CACNA1D: variants seen among roughly 807,000 people sequenced by gnomAD.
CACNA1D encodes the protein calcium voltage-gated channel subunit alpha1 D, also known as voltage-dependent L-type calcium channel subunit alpha-1D.
CACNA1D carries 55 observed loss-of-function variants against 257.1 expected under a neutral mutation model. The observed-to-expected ratio is 0.21, with a 90% CI of 0.17 to 0.27. The LOEUF (loss-of-function observed/expected upper bound fraction) is 0.27, where lower values mean the gene tolerates loss of function less well. Ranked by LOEUF, CACNA1D falls within the 10% of genes least tolerant of loss-of-function variation. The pLI is 1.00. For synonymous variants in CACNA1D, 980 were observed against 1,014.9 expected, an observed-to-expected ratio of 0.97 and a Z score of 0.65; for missense variants, 1,876 against 2,784.0, an observed-to-expected ratio of 0.67 and a Z score of 7.34.
chr3:53,735,560 GC>G, intron 20 of CACNA1D, 57 bp downstream of exon 20: 1 of 1,599,280 alleles, frequency 6.3e-7, no homozygotes, highest in Non-Finnish European at 8.5e-7. Context: ...TCGGGCAGAG[GC>G]CACTGTAGAG....
At chr3:53,760,224 G>T (rs994413266) in intron 29 of CACNA1D, among the ~76,000 whole-genome samples, 2 of 152,136 alleles carry the variant, frequency 1.3e-5, no homozygotes, top group African/African-American at 2.4e-5. Context: ...CCCCATAAAT[G>T]CACCTAGACT....
At chr3:53,589,827 T>A (rs2093276510) in intron 3 of CACNA1D, among the ~76,000 whole-genome samples, 1 of 152,192 alleles carries the variant, frequency 6.6e-6, no homozygotes, top group African/African-American at 2.4e-5. Context: ...GCCTCTCATT[T>A]CAAGGGCCCT....
intron 3 of CACNA1D, among the ~76,000 whole-genome samples, chr3:53,635,877 A>C (rs11709171): frequency 0.14 from 21,267 of 152,184 alleles, 1,798 homozygotes; most frequent in Middle Eastern, 0.26. Flanking sequence ...TCCTTAGGAC[A>C]GGCAGGAAAC....
chr3:53,747,546 C>T (rs1051701006), intron 26 of CACNA1D, 98 bp downstream of exon 26: 60 of 1,269,868 alleles, frequency 4.7e-5, no homozygotes, highest in Non-Finnish European at 6.0e-5. Flanking sequence ...TCTCCAGTGT[C>T]GCAGGATTGC....
chr3:53,741,233 G>A (rs956166088), intron 21 of CACNA1D, among the ~76,000 whole-genome samples: 14 of 152,204 alleles, frequency 9.2e-5, no homozygotes, highest in African/African-American at 2.9e-4. Flanking sequence ...CTGGGAGAAC[G>A]TGGCCCATCA....
chr3:53,802,240 G>A, intron 43 of CACNA1D, 67 bp downstream of exon 43: 1 of 1,237,412 alleles, frequency 8.1e-7, no homozygotes, highest in Non-Finnish European at 1.2e-6. Context: ...GCCTCTCTGA[G>A]TGCTGAAGAA....
At chr3:53,755,753 G>A (rs901533566) in intron 29 of CACNA1D, among the ~76,000 whole-genome samples, 3 of 151,984 alleles carry the variant, frequency 2.0e-5, no homozygotes, top group Non-Finnish European at 4.4e-5. Context: ...GGGATGAGTG[G>A]GAGAGTATCG....
intron 3 of CACNA1D, among the ~76,000 whole-genome samples, chr3:53,545,025 A>G (rs1241938232): frequency 1.3e-5 from 2 of 152,228 alleles, no homozygotes; most frequent in East Asian, 3.8e-4. Context: ...GGGAGGAAAG[A>G]TGGATATTAA....
intron 3 of CACNA1D, among the ~76,000 whole-genome samples, chr3:53,621,518 CAT>C (rs1358136971): frequency 6.6e-6 from 1 of 152,188 alleles, no homozygotes; most frequent in Admixed American, 6.5e-5. Flanking sequence ...ATAAGTGTAA[CAT>C]AGGCTTAAAC....
intron 3 of CACNA1D, among the ~76,000 whole-genome samples, chr3:53,622,851 T>G (rs976851214): frequency 6.6e-6 from 1 of 151,852 alleles, no homozygotes; most frequent in African/African-American, 2.4e-5. Context: ...AGGCATGAAC[T>G]GTGATAGAGG....
intron 3 of CACNA1D, among the ~76,000 whole-genome samples, chr3:53,502,252 A>G (rs938129177): frequency 3.3e-5 from 5 of 152,156 alleles, no homozygotes; most frequent in Non-Finnish European, 5.9e-5. Context: ...ATATAATATT[A>G]AAGTTTCTAC....
intron 15 of CACNA1D, among the ~76,000 whole-genome samples, chr3:53,727,305 G>A (rs1222053038): frequency 6.6e-6 from 1 of 152,216 alleles, no homozygotes; most frequent in Non-Finnish European, 1.5e-5. Context: ...CTCCTGTACA[G>A]GTCCCGAGGG....
intron 44 of CACNA1D, among the ~76,000 whole-genome samples, chr3:53,804,023 G>A (rs75551622): frequency 9.2e-5 from 14 of 152,140 alleles, no homozygotes; most frequent in East Asian, 3.9e-4. Flanking sequence ...GGGGTCTCTC[G>A]GGGAGATGAA....
intron 3 of CACNA1D, among the ~76,000 whole-genome samples, chr3:53,523,335 G>GA (rs147744272): frequency 0.016 from 2,402 of 152,254 alleles, 61 homozygotes; most frequent in African/African-American, 0.054. Context: ...ACAGGCTATG[G>GA]AAAAAATCTC....
At position 53,749,391 on chromosome 3, in the gene CACNA1D, C is replaced by T. The variant is rs771866398; in HGVS notation, c.3438C>T (p.Ile1146=). Residue 1146 remains isoleucine (I), a synonymous_variant, in exon 27 of 48, where the codon ATC becomes ATT. Transcript: ENST00000350061. ...IIIVAFFMMN[I]FVGFVIVTFQ... is the part of the protein sequence containing the mutation. ...TTGTAGCTTTCTTCATGATGAACAT[C>T]TTTGTGGGCTTTGTCATCGTTACAT... 5.0e-6 allele frequency: 8 copies of T among 1,613,628 alleles called. No individual in the cohort carries two copies. The highest frequency in any genetic ancestry group is 6.8e-6 in the Non-Finnish European group (8 of 1,179,504).
chr3:53,651,700 G>A (rs923445488), intron 4 of CACNA1D, among the ~76,000 whole-genome samples: 2 of 152,184 alleles, frequency 1.3e-5, no homozygotes, highest in Non-Finnish European at 1.5e-5. Flanking sequence ...AGGAAGATAA[G>A]ATATATCCTT....
At chr3:53,733,288 G>A (rs1212722182) in intron 19 of CACNA1D, among the ~76,000 whole-genome samples, 5 of 152,218 alleles carry the variant, frequency 3.3e-5, no homozygotes, top group African/African-American at 1.2e-4. Flanking sequence ...GCATATTCCA[G>A]CTGGAGCTCA....
intron 8 of CACNA1D, among the ~76,000 whole-genome samples, chr3:53,700,892 A>AT (rs1335359507): frequency 1.0e-3 from 101 of 97,504 alleles, no homozygotes; most frequent in African/African-American, 3.9e-3. Flanking sequence ...TTTTATTTTT[A>AT]TTTTTTTTGA....
At chr3:53,526,585 A>G (rs2091772735) in intron 3 of CACNA1D, among the ~76,000 whole-genome samples, 1 of 152,260 alleles carries the variant, frequency 6.6e-6, no homozygotes, top group Non-Finnish European at 1.5e-5. Flanking sequence ...TTTTTCAAAC[A>G]CATAGTGAAT....
Sources: gnomAD v4.1 joint callset for allele counts (sites outside exome capture counted in the v4.1 genomes callset) on GRCh38, gnomAD v4.1.1 for gene constraint, MANE v1.5 for transcripts, NCBI Gene and HGNC (gene_info 2026-07-23, HGNC 2026-07-21) for gene names.